SORCS3: variants seen among roughly 807,000 people sequenced by gnomAD.
SORCS3 encodes the protein VPS10 domain-containing receptor SorCS3.
In SORCS3, 57 loss-of-function variants were observed where a neutral mutation model predicts 146.3. The observed-to-expected ratio is 0.39, with a 90% CI of 0.31 to 0.49. The LOEUF is 0.49. SORCS3 is among the 20% of genes least tolerant of loss of function. The pLI, the probability that SORCS3 is intolerant of heterozygous loss-of-function variation, is 0.92. For synonymous variants in SORCS3, 653 were observed against 618.5 expected (o/e 1.06, Z -0.83); for missense variants, 1,341 against 1,575.5 (o/e 0.85, Z 2.52).
intron 25 of SORCS3, among the ~76,000 whole-genome samples, chr10:105,259,980 A>G (rs1051557765): frequency 3.3e-5 from 5 of 152,212 alleles, no homozygotes; most frequent in African/African-American, 1.2e-4. Context: ...AGTGGAGTTC[A>G]GACTTATATT....
At chr10:104,912,535 A>G (rs1462143084) in intron 2 of SORCS3, among the ~76,000 whole-genome samples, 2 of 152,234 alleles carry the variant, frequency 1.3e-5, no homozygotes, top group Admixed American at 6.5e-5. Context: ...CAAAGCCTCA[A>G]GCGTGTTTTC....
At chr10:104,859,641 A>G (rs921273824) in intron 2 of SORCS3, among the ~76,000 whole-genome samples, 3 of 152,212 alleles carry the variant, frequency 2.0e-5, no homozygotes, top group African/African-American at 7.2e-5. Context: ...AACCTACAAA[A>G]TGGGAGAAAA....
At chr10:104,935,468 A>G (rs1589556089) in intron 3 of SORCS3, among the ~76,000 whole-genome samples, 1 of 152,202 alleles carries the variant, frequency 6.6e-6, no homozygotes, top group Non-Finnish European at 1.5e-5. Context: ...TTGGCAATTT[A>G]TAAAGCTTTT....
intron 2 of SORCS3, among the ~76,000 whole-genome samples, chr10:104,911,459 A>G (rs1197920072): frequency 6.6e-6 from 1 of 152,232 alleles, no homozygotes; most frequent in Admixed American, 6.5e-5. Flanking sequence ...AAGTGAGACC[A>G]TGTGTGATGA....
chr10:105,136,363 C>T (rs770798029), intron 7 of SORCS3, among the ~76,000 whole-genome samples: 11 of 152,190 alleles, frequency 7.2e-5, no homozygotes, highest in Admixed American at 2.0e-4. Context: ...CTGATCCCTT[C>T]ATGATGGCAT....
intron 1 of SORCS3, among the ~76,000 whole-genome samples, chr10:104,814,621 A>G (rs1589509155): frequency 6.6e-6 from 1 of 152,154 alleles, no homozygotes; most frequent in South Asian, 2.1e-4. Context: ...CACTGACAGT[A>G]CCTCACGCTT....
chr10:104,990,954 A>C (rs927195953), intron 4 of SORCS3, among the ~76,000 whole-genome samples: 2 of 152,170 alleles, frequency 1.3e-5, no homozygotes, highest in African/African-American at 4.8e-5. Flanking sequence ...AGTTAGTGGA[A>C]ATTTGTTACA....
At chr10:104,855,427 A>G (rs961002079) in intron 2 of SORCS3, among the ~76,000 whole-genome samples, 1 of 152,274 alleles carries the variant, frequency 6.6e-6, no homozygotes, top group African/African-American at 2.4e-5. Flanking sequence ...TGACATCTTT[A>G]GTATATTGAG....
intron 1 of SORCS3, among the ~76,000 whole-genome samples, chr10:104,722,848 G>A (rs549490715): frequency 4.9e-4 from 75 of 151,970 alleles, no homozygotes; most frequent in East Asian, 2.9e-3. Flanking sequence ...TTTTTATTGC[G>A]TCTATTTGAT....
At chr10:104,678,829 C>T (rs189433544) in intron 1 of SORCS3, among the ~76,000 whole-genome samples, 1 of 152,308 alleles carries the variant, frequency 6.6e-6, no homozygotes, top group East Asian at 1.9e-4. Context: ...TCTGTTTCCT[C>T]CCCTCCCAGT....
At chr10:104,788,794 C>G (rs115682729) in intron 1 of SORCS3, among the ~76,000 whole-genome samples, 1,786 of 152,260 alleles carry the variant, frequency 0.012, 31 homozygotes, top group African/African-American at 0.041. Context: ...TCCAGGAACT[C>G]TCATTATTAT....
chr10:104,642,095 G>A, intron 1 of SORCS3, 141 bp downstream of exon 1: 2 of 1,019,248 alleles, frequency 2.0e-6, no homozygotes, highest in South Asian at 3.4e-5. Context: ...AGGTTTGTCC[G>A]ATTCCCCCCA....
At chr10:104,945,390 T>G (rs538659330) in intron 3 of SORCS3, among the ~76,000 whole-genome samples, 5 of 152,166 alleles carry the variant, frequency 3.3e-5, no homozygotes, top group African/African-American at 1.2e-4. Context: ...CCTGAGTAGC[T>G]GGGATTATAG....
chr10:104,751,286 T>C (rs1022528694), intron 1 of SORCS3, among the ~76,000 whole-genome samples: 3 of 152,186 alleles, frequency 2.0e-5, no homozygotes, highest in Non-Finnish European at 4.4e-5. Context: ...CTCTCTCTTA[T>C]GGGAGATTAA....
chr10:105,221,225 A>G (rs2056700597), intron 19 of SORCS3, among the ~76,000 whole-genome samples: 1 of 152,144 alleles, frequency 6.6e-6, no homozygotes, highest in East Asian at 1.9e-4. Flanking sequence ...TTACACATAC[A>G]CTGGCCTGGC....
chr10:104,998,019 GA>G (rs1294453211), intron 4 of SORCS3, among the ~76,000 whole-genome samples: 2 of 152,270 alleles, frequency 1.3e-5, no homozygotes, highest in Non-Finnish European at 2.9e-5. Flanking sequence ...GTTGGAGAAT[GA>G]GGGGGATTTT....
chr10:104,766,454 GC>G (rs2017180792), intron 1 of SORCS3, among the ~76,000 whole-genome samples: 1 of 152,216 alleles, frequency 6.6e-6, no homozygotes, highest in African/African-American at 2.4e-5. Context: ...GTGCTTGTTT[GC>G]TTGTCTGTGT....
chr10:105,079,040 A>G (rs535342486), intron 5 of SORCS3, among the ~76,000 whole-genome samples: 1 of 152,086 alleles, frequency 6.6e-6, no homozygotes, highest in East Asian at 1.9e-4. Flanking sequence ...CCTGGACTTG[A>G]CTCCTGGTTA....
In SORCS3 at chr10:105,264,998, T is replaced by C. The variant is rs1309172521; in HGVS notation, c.*1624T>C. 1.3e-5 allele frequency: 2 copies of C among 152,636 alleles called. No individual in the cohort carries two copies. Among genetic ancestry groups the C allele is most frequent in the Admixed American group, 1.3e-4 (2 of 15,272 alleles). The allele number at this position is 152,636 out of a possible 1,614,324, so 9.5% of individuals were successfully genotyped here. ...TATAGAGAAATCTGGCTGGCTACAG[T>C]GTAGATCAGTATTAGGAATATTTCT... On this transcript the variant is annotated 3_prime_UTR_variant, in exon 27 of 27. Transcript: ENST00000369701.
Sources: allele counts gnomAD v4.1 joint callset (sites outside exome capture counted in the v4.1 genomes callset), GRCh38; gene constraint gnomAD v4.1.1; transcripts MANE v1.5; gene names NCBI Gene and HGNC (gene_info 2026-07-23, HGNC 2026-07-21).